Variants in NCAM2 observed in about 807,000 individuals in gnomAD.
The protein encoded by NCAM2 is neural cell adhesion molecule 2.
In NCAM2, 30 loss-of-function variants were observed where a neutral mutation model predicts 98.1. The observed-to-expected ratio is 0.31, with a 90% CI of 0.23 to 0.41. The LOEUF (loss-of-function observed/expected upper bound fraction) is 0.41, where lower values mean the gene tolerates loss of function less well. Among genes scored for constraint, NCAM2 ranks in the 10% least tolerant of loss-of-function variants. The pLI, the probability that NCAM2 is intolerant of heterozygous loss-of-function variation, is 1.00. For synonymous variants in NCAM2, 368 were observed against 342.4 expected, an observed-to-expected ratio of 1.07 and a Z score of -0.83; for missense variants, 867 against 1,005.8, an observed-to-expected ratio of 0.86 and a Z score of 1.87.
chr21:21,380,269 T>C (rs1322265448), intron 9 of NCAM2, among the ~76,000 whole-genome samples: 2 of 152,212 alleles, frequency 1.3e-5, no homozygotes, highest in East Asian at 3.9e-4. Context: ...TTTGATCACA[T>C]TAAGAGGTAT....
chr21:21,188,165 A>T (rs1258691380), intron 1 of NCAM2, among the ~76,000 whole-genome samples: 1 of 152,202 alleles, frequency 6.6e-6, no homozygotes, highest in East Asian at 1.9e-4. Flanking sequence ...CAGATTTCCT[A>T]TAAGGAAGTA....
At chr21:21,028,820 G>C (rs963336805) in intron 1 of NCAM2, among the ~76,000 whole-genome samples, 5 of 152,186 alleles carry the variant, frequency 3.3e-5, no homozygotes, top group Non-Finnish European at 7.4e-5. Context: ...TTAACATTCT[G>C]TTGGGGAGAG....
At chr21:21,042,144 A>C (rs577641400) in intron 1 of NCAM2, among the ~76,000 whole-genome samples, 1 of 152,296 alleles carries the variant, frequency 6.6e-6, no homozygotes, top group African/African-American at 2.4e-5. Context: ...CTACATCAAT[A>C]GACTGCTCTG....
chr21:21,280,634 A>G lies in NCAM2; in HGVS notation c.112A>G (p.Lys38Glu). The G allele has an allele frequency of 6.3e-7, 1 of 1,595,272 alleles. No individual in the cohort carries two copies. The highest frequency in any genetic ancestry group is 8.5e-7 in the Non-Finnish European group (1 of 1,171,026). The change falls in exon 2 of 18, where the codon AAA (lysine) becomes GAA (glutamate). Residue 38 changes from lysine (K) to glutamate (E), a missense_variant. Transcript: ENST00000400546. The part of the protein sequence containing the change: ...SKVELSVGES[K>E]FFTCTAIGEP... ...AGTAGAGCTTAGTGTTGGAGAATCT[A>G]AATTCTTCACATGTACAGGTACGTA...
intron 1 of NCAM2, among the ~76,000 whole-genome samples, chr21:21,215,728 C>CA (rs1246609525): frequency 8.0e-6 from 1 of 124,804 alleles, no homozygotes; most frequent in Non-Finnish European, 1.9e-5. Flanking sequence ...GATTCCATTT[C>CA]AAAAAAATAA....
chr21:21,088,728 C>T (rs2065950915), intron 1 of NCAM2, among the ~76,000 whole-genome samples: 1 of 152,094 alleles, frequency 6.6e-6, no homozygotes, highest in Non-Finnish European at 1.5e-5. Flanking sequence ...AGCGGTGGCT[C>T]ACGCCTGTAA....
intron 9 of NCAM2, among the ~76,000 whole-genome samples, chr21:21,389,154 C>T (rs1475421203): frequency 6.6e-6 from 1 of 152,180 alleles, no homozygotes; most frequent in Non-Finnish European, 1.5e-5. Flanking sequence ...AATCAACTCA[C>T]AGTTCCACAT....
Position 21,509,162 on chromosome 21 carries a change from G to A in NCAM2, c.2282+107G>A, listed in dbSNP as rs1030702050. The A allele has an allele frequency of 3.9e-6, 4 of 1,027,522 alleles. No homozygotes were observed. The Admixed American group carries it at 8.6e-5, about 22-fold the overall frequency. 63.7% of individuals were successfully genotyped at this position (1,027,522 alleles called of 1,614,324 possible). Reference sequence around the variant, plus strand: ...GGTAAAGGAGTAGGGTAAAGAGTTTGATTATGCAACATTGGACACTGCACT... The same window carrying A: ...GGTAAAGGAGTAGGGTAAAGAGTTTAATTATGCAACATTGGACACTGCACT... On this transcript the variant is annotated intron_variant, in intron 16 of 17. Transcript: ENST00000400546.
chr21:21,229,801 C>T (rs1387041721), intron 1 of NCAM2, among the ~76,000 whole-genome samples: 2 of 151,156 alleles, frequency 1.3e-5, no homozygotes, highest in East Asian at 1.9e-4. Flanking sequence ...AGTATGGAAG[C>T]GATAAGGATT....
intron 1 of NCAM2, among the ~76,000 whole-genome samples, chr21:21,122,048 G>A (rs1297722119): frequency 2.6e-5 from 4 of 152,168 alleles, no homozygotes; most frequent in African/African-American, 7.2e-5. Flanking sequence ...TGGTTTTAGA[G>A]AGAACAAAAA....
intron 1 of NCAM2, among the ~76,000 whole-genome samples, chr21:21,002,092 G>A (rs77333884): frequency 0.047 from 7,156 of 152,132 alleles, 208 homozygotes; most frequent in Non-Finnish European, 0.058. Flanking sequence ...TAAATCGACT[G>A]GGTCTTCTTT....
chr21:21,510,735 T>C (rs1455135763), intron 16 of NCAM2, among the ~76,000 whole-genome samples: 1 of 93,066 alleles, frequency 1.1e-5, no homozygotes. Flanking sequence ...ATATATATCA[T>C]TTTTTACATA....
At chr21:21,509,095 C>G (rs760789049) in intron 16 of NCAM2, 40 bp downstream of exon 16, 24 of 1,602,258 alleles carry the variant, frequency 1.5e-5, no homozygotes, top group Non-Finnish European at 2.0e-5. Flanking sequence ...ATTAAACAAG[C>G]GCCACAGTCA....
chr21:21,336,935 TA>T (rs2074888437), intron 7 of NCAM2, among the ~76,000 whole-genome samples: 1 of 152,200 alleles, frequency 6.6e-6, no homozygotes, highest in Non-Finnish European at 1.5e-5. Flanking sequence ...GATGATCTTC[TA>T]ATGATCAGAA....
At chr21:21,298,234 T>C (rs1807262266) in intron 5 of NCAM2, among the ~76,000 whole-genome samples, 2 of 151,836 alleles carry the variant, frequency 1.3e-5, no homozygotes, top group African/African-American at 2.4e-5. Flanking sequence ...ATGTAAAGCA[T>C]ATACAAGTAT....
chr21:21,262,071 A>G (rs958361394), intron 1 of NCAM2, among the ~76,000 whole-genome samples: 7 of 152,190 alleles, frequency 4.6e-5, no homozygotes, highest in East Asian at 1.9e-4. Flanking sequence ...AAAGACCACT[A>G]TGAACATCTC....
chr21:21,128,889 A>G (rs1162475131), intron 1 of NCAM2, among the ~76,000 whole-genome samples: 1 of 152,180 alleles, frequency 6.6e-6, no homozygotes, highest in Non-Finnish European at 1.5e-5. Context: ...ACATCAGAAA[A>G]TAATCTTAGA....
intron 1 of NCAM2, among the ~76,000 whole-genome samples, chr21:21,133,784 T>G (rs1003295181): frequency 1.3e-5 from 2 of 152,102 alleles, no homozygotes; most frequent in Non-Finnish European, 2.9e-5. Flanking sequence ...TAAAAAGGTA[T>G]TAACTTACCC....
At chr21:21,498,789 A>G (rs1483200489) in intron 15 of NCAM2, among the ~76,000 whole-genome samples, 3 of 152,220 alleles carry the variant, frequency 2.0e-5, no homozygotes, top group Non-Finnish European at 4.4e-5. Context: ...TTTTATTACA[A>G]TGAAGATGAA....
Sources: gnomAD v4.1 joint callset for allele counts (sites outside exome capture counted in the v4.1 genomes callset) on GRCh38, gnomAD v4.1.1 for gene constraint, MANE v1.5 for transcripts, NCBI Gene and HGNC (gene_info 2026-07-23, HGNC 2026-07-21) for gene names.